Variants in ADAMTS12 observed in about 807,000 individuals in gnomAD.
ADAMTS12 encodes the protein ADAM metallopeptidase with thrombospondin type 1 motif 12, also known as A disintegrin and metalloproteinase with thrombospondin motifs 12.
ADAMTS12 carries 118 observed loss-of-function variants against 167.8 expected under a neutral mutation model. That is an observed-to-expected ratio of 0.70 (90% CI 0.61 to 0.82). The LOEUF (loss-of-function observed/expected upper bound fraction) is 0.82. ADAMTS12 is among the 40% of genes least tolerant of loss of function. The probability of loss-of-function intolerance (pLI) is 0.00; values close to 1 mark genes in which losing one functional copy is unlikely to be tolerated. For synonymous variants in ADAMTS12, 704 were observed against 716.9 expected, an observed-to-expected ratio of 0.98 and a Z score of 0.29; for missense variants, 1,916 against 1,998.8, an observed-to-expected ratio of 0.96 and a Z score of 0.79.
At chr5:33,749,053 T>C (rs1478398708) in intron 3 of ADAMTS12, among the ~76,000 whole-genome samples, 1 of 152,212 alleles carries the variant, frequency 6.6e-6, no homozygotes. Context: ...GGAAAAGGCA[T>C]GTTTCTTTTT....
chr5:33,834,158 A>T (rs968129152), intron 2 of ADAMTS12, among the ~76,000 whole-genome samples: 4 of 152,120 alleles, frequency 2.6e-5, no homozygotes, highest in Non-Finnish European at 4.4e-5. Flanking sequence ...CAGCAGTCAT[A>T]TTGGATTAAG....
In ADAMTS12 at chr5:33,577,114, CAT is replaced by C; in HGVS notation, c.2910_2911del (p.Ala972GlnfsTer4). ...GCAAGGTTCATCATGGTTCTTGGCACATGTGACACTGCGAATCCGCACTCCAC... is the reference window on the plus strand; with the variant it reads ...GCAAGGTTCATCATGGTTCTTGGCACGTGACACTGCGAATCCGCACTCCAC... On this transcript the variant is annotated frameshift_variant, in exon 19 of 24. Transcript: ENST00000504830. LOFTEE classifies it high-confidence loss of function. 1 of 1,614,192 alleles carries C rather than the reference CAT, an allele frequency of 6.2e-7. No homozygotes were observed. Among genetic ancestry groups the C allele is most frequent in the Non-Finnish European group, 8.5e-7 (1 of 1,180,036 alleles).
intron 2 of ADAMTS12, among the ~76,000 whole-genome samples, chr5:33,861,311 C>A: frequency 6.6e-6 from 1 of 151,936 alleles, no homozygotes; most frequent in African/African-American, 2.4e-5. Context: ...CACACATAGG[C>A]TCAAAATAAA....
chr5:33,731,402 A>G (rs541743102), intron 3 of ADAMTS12, among the ~76,000 whole-genome samples: 3 of 152,312 alleles, frequency 2.0e-5, no homozygotes, highest in Admixed American at 2.0e-4. Context: ...ACAGCCATGT[A>G]CACAGCACAG....
chr5:33,623,239 C>G (rs543613603), intron 14 of ADAMTS12, among the ~76,000 whole-genome samples: 1 of 152,270 alleles, frequency 6.6e-6, no homozygotes, highest in Admixed American at 6.5e-5. Flanking sequence ...CCCTGTGTAG[C>G]AGACACTGCC....
Position 33,596,854 on chromosome 5 carries a change from G to A in ADAMTS12, c.2528-794C>T, listed in dbSNP as rs535079290. On this transcript the variant is annotated intron_variant, in intron 16 of 23. Transcript: ENST00000504830. ...AATTTAAAATAATGTTGTGAAGTTT[G>A]AGATGTTATGTTTTTTAAAATACAG... is the stretch of plus-strand genomic sequence containing the variant. Among the ~76,000 whole-genome samples the A allele has an allele frequency of 5.7e-4, 87 of 152,170 alleles. 1 individual carries two copies. Among genetic ancestry groups the A allele is most frequent in the Non-Finnish European group, 1.0e-3 (69 of 68,038 alleles).
intron 7 of ADAMTS12, among the ~76,000 whole-genome samples, chr5:33,650,342 T>C (rs1034147674): frequency 3.3e-5 from 5 of 152,218 alleles, no homozygotes; most frequent in Admixed American, 3.3e-4. Context: ...GTCATCCTAG[T>C]GCTACAATGA....
At chr5:33,563,045 G>C (rs984240386) in intron 19 of ADAMTS12, among the ~76,000 whole-genome samples, 2 of 152,142 alleles carry the variant, frequency 1.3e-5, no homozygotes, top group African/African-American at 4.8e-5. Flanking sequence ...AAAGAGAAAA[G>C]TAGAAATTAT....
intron 4 of ADAMTS12, 107 bp from the exon 5 acceptor site, chr5:33,683,208 G>A (rs568631018): frequency 2.2e-4 from 184 of 821,884 alleles, no homozygotes; most frequent in Middle Eastern, 4.8e-4. Context: ...TTTTCTTATA[G>A]GTCAGAAATG....
At chr5:33,701,408 T>C (rs1259757756) in intron 3 of ADAMTS12, among the ~76,000 whole-genome samples, 1 of 152,188 alleles carries the variant, frequency 6.6e-6, no homozygotes, top group East Asian at 1.9e-4. Context: ...GTGAATTCCA[T>C]CTGCACTCAT....
intron 5 of ADAMTS12, among the ~76,000 whole-genome samples, chr5:33,678,878 G>T (rs1742012659): frequency 6.6e-6 from 1 of 152,168 alleles, no homozygotes. Flanking sequence ...GTATAGTCCA[G>T]AAAAGAGATA....
intron 2 of ADAMTS12, among the ~76,000 whole-genome samples, chr5:33,852,263 A>T (rs987850214): frequency 2.6e-5 from 4 of 152,206 alleles, no homozygotes; most frequent in Admixed American, 6.5e-5. Context: ...AAGAGAAAGA[A>T]TCAGTGGTAA....
chr5:33,529,558 AG>A (rs1743994270), intron 23 of ADAMTS12, among the ~76,000 whole-genome samples: 1 of 152,226 alleles, frequency 6.6e-6, no homozygotes, highest in African/African-American at 2.4e-5. Context: ...CAGGAAAAGT[AG>A]AAATGGAAAT....
chr5:33,548,044 A>G (rs1256335809), intron 21 of ADAMTS12, among the ~76,000 whole-genome samples: 1 of 152,206 alleles, frequency 6.6e-6, no homozygotes, highest in Non-Finnish European at 1.5e-5. Context: ...AGCCTCAGGA[A>G]TCAGTGTGGA....
At chr5:33,560,525 T>C (rs1187934841) in intron 20 of ADAMTS12, among the ~76,000 whole-genome samples, 1 of 152,076 alleles carries the variant, frequency 6.6e-6, no homozygotes, top group Admixed American at 6.6e-5. Context: ...CCAACCCAAA[T>C]GTCCAGCAAT....
intron 2 of ADAMTS12, among the ~76,000 whole-genome samples, chr5:33,803,748 A>T (rs1225899556): frequency 3.3e-5 from 5 of 152,216 alleles, no homozygotes; most frequent in Admixed American, 3.3e-4. Flanking sequence ...CTTACACGGC[A>T]GCAGGCAAGA....
intron 2 of ADAMTS12, among the ~76,000 whole-genome samples, chr5:33,780,309 T>A (rs1276536244): frequency 6.6e-6 from 1 of 152,214 alleles, no homozygotes; most frequent in Non-Finnish European, 1.5e-5. Context: ...ATTCTTATTC[T>A]CTGAAAAGAA....
chr5:33,727,152 C>T (rs750269178), intron 3 of ADAMTS12, among the ~76,000 whole-genome samples: 1 of 152,116 alleles, frequency 6.6e-6, no homozygotes, highest in Non-Finnish European at 1.5e-5. Flanking sequence ...GATCACCAAG[C>T]GCAAAAGCAA....
chr5:33,810,245 C>T (rs79529539), intron 2 of ADAMTS12, among the ~76,000 whole-genome samples: 4,787 of 152,166 alleles, frequency 0.031, 265 homozygotes, highest in African/African-American at 0.11. Context: ...AATAAAAATC[C>T]AGTCATGAAT....
Sources: allele counts gnomAD v4.1 joint callset (sites outside exome capture counted in the v4.1 genomes callset), GRCh38; gene constraint gnomAD v4.1.1; transcripts MANE v1.5; gene names NCBI Gene and HGNC (gene_info 2026-07-23, HGNC 2026-07-21).